Variants in CACNA1B observed in about 807,000 individuals in gnomAD.
CACNA1B encodes the protein calcium voltage-gated channel subunit alpha1 B.
Under a neutral mutation model 247.2 loss-of-function variants are expected in CACNA1B, and 70 were observed. The ratio of observed to expected loss-of-function variants is 0.28; its 90% CI spans 0.23 to 0.35. CACNA1B has a LOEUF of 0.35. Among genes scored for constraint, CACNA1B ranks in the 10% least tolerant of loss-of-function variants. CACNA1B has a pLI of 1.00. For missense variants in CACNA1B, 2,367 were observed against 3,197.4 expected, an observed-to-expected ratio of 0.74 and a Z score of 6.26; for synonymous variants, 1,231 against 1,294.4, an observed-to-expected ratio of 0.95 and a Z score of 1.05.
At chr9:137,904,080 A>T (rs1011637890) in intron 3 of CACNA1B, among the ~76,000 whole-genome samples, 1 of 151,814 alleles carries the variant, frequency 6.6e-6, no homozygotes, top group East Asian at 1.9e-4. Flanking sequence ...CATTGGTTTG[A>T]TCTCATCATC....
intron 12 of CACNA1B, among the ~76,000 whole-genome samples, chr9:137,983,812 G>C (rs1208364390): frequency 6.7e-6 from 1 of 149,434 alleles, no homozygotes; most frequent in South Asian, 2.1e-4. Context: ...CACAGAGGAG[G>C]TATTAGACCA....
intron 20 of CACNA1B, among the ~76,000 whole-genome samples, chr9:138,041,970 C>A (rs1431814043): frequency 1.3e-5 from 2 of 152,060 alleles, no homozygotes; most frequent in African/African-American, 4.8e-5. Context: ...CCATCTTGCC[C>A]AGGATGGTCT....
In CACNA1B at chr9:138,058,441, G is replaced by T; in HGVS notation, c.4309-128G>T. 1.0e-6 allele frequency: 1 copy of T among 968,258 alleles called. No homozygotes were observed. Among genetic ancestry groups the T allele is most frequent in the African/African-American group, 1.6e-5 (1 of 61,118 alleles). The allele number at this position is 968,258 out of a possible 1,614,324, so 60.0% of individuals were successfully genotyped here. The stretch of plus-strand genomic sequence containing the variant: ...TTGAGGCCTGCTTGGAGAAGGTCTG[G>T]GCTGCTTCAATTTGTCTTCTGTTGT... On this transcript the variant is annotated intron_variant, in intron 28 of 46. Coordinates refer to ENST00000371372, the MANE Select transcript of CACNA1B (RefSeq NM_000718.4). This position sits in a 1 kb window ranked among gnomAD's most constrained non-coding sequence, Gnocchi z 4.7.
intron 36 of CACNA1B, among the ~76,000 whole-genome samples, chr9:138,086,469 G>A (rs923701566): frequency 2.6e-5 from 4 of 151,048 alleles, no homozygotes; most frequent in African/African-American, 9.8e-5. Flanking sequence ...AGGTGGTAGT[G>A]TGCTGTGATT....
At position 137,914,798 on chromosome 9, in the gene CACNA1B, A is replaced by G; in HGVS notation, c.767A>G (p.Asn256Ser). The G allele has an allele frequency of 6.2e-7, 1 of 1,613,848 alleles. No individual in the cohort carries two copies. Among genetic ancestry groups the G allele is most frequent in the Non-Finnish European group, 8.5e-7 (1 of 1,179,832 alleles). ...MGKFHKACFP[N>S]STDAEPVGDF... ...AAGTTCCACAAGGCCTGTTTCCCCA[A>G]CAGCACAGGTGAGGCCAGGCAGCAC... is the stretch of plus-strand genomic sequence containing the variant. Residue 256 changes from asparagine to serine, a missense_variant, in exon 5 of 47, where the codon AAC becomes AGC. Transcript: ENST00000371372. This position sits in a 1 kb window ranked among gnomAD's most constrained non-coding sequence, Gnocchi z 4.3.
chr9:138,032,074 T>G (rs1958993950), intron 20 of CACNA1B, among the ~76,000 whole-genome samples: 1 of 152,104 alleles, frequency 6.6e-6, no homozygotes, highest in South Asian at 2.1e-4. Flanking sequence ...ATTTCTCTGG[T>G]TTCCTTTTTC....
At chr9:138,039,219 A>C (rs891271168) in intron 20 of CACNA1B, among the ~76,000 whole-genome samples, 2 of 152,142 alleles carry the variant, frequency 1.3e-5, no homozygotes, top group African/African-American at 4.8e-5. Flanking sequence ...AATAAAAAAA[A>C]AAAGAGAAAA....
chr9:138,107,218 T>TTTTATTTATTTATTTA lies in CACNA1B; in HGVS notation c.5428+1445_5428+1460dup, dbSNP rs56043117. 4.4e-4 allele frequency among the ~76,000 whole-genome samples: 60 copies of TTTTATTTATTTATTTA among 135,788 alleles called. 1 individual carries two copies. The highest frequency in any genetic ancestry group is 1.3e-3 in the Admixed American group (17 of 13,252). 89.1% of individuals were successfully genotyped at this position (135,788 alleles called of 152,430 possible). A position where few individuals can be genotyped will look rare whatever the true frequency, so the allele number is the denominator to read the frequency against. On this transcript the variant is annotated intron_variant, in intron 39 of 46. Coordinates refer to ENST00000371372, the MANE Select transcript of CACNA1B (RefSeq NM_000718.4). ...AGCCGAAACCTTAGAAATCATCTTA[T>TTTTATTTATTTATTTA]TTTATTTATTTATTTATTTATTTAT...
At chr9:138,002,661 C>A (rs1449781668) in intron 15 of CACNA1B, among the ~76,000 whole-genome samples, 1 of 151,464 alleles carries the variant, frequency 6.6e-6, no homozygotes, top group Non-Finnish European at 1.5e-5. Flanking sequence ...GAGCTAGGAT[C>A]GTGCCACTGC....
At chr9:137,897,679 T>G (rs1957187695) in intron 3 of CACNA1B, among the ~76,000 whole-genome samples, 1 of 152,118 alleles carries the variant, frequency 6.6e-6, no homozygotes, top group South Asian at 2.1e-4. Context: ...TTCAATTCCG[T>G]GTATTTTATT....
intron 6 of CACNA1B, among the ~76,000 whole-genome samples, chr9:137,937,721 G>A (rs545335942): frequency 4.6e-5 from 7 of 152,080 alleles, no homozygotes; most frequent in African/African-American, 7.2e-5. Context: ...CAAGGTGGGC[G>A]GATCACCTGA....
chr9:137,916,981 C>A (rs556318577), intron 5 of CACNA1B, among the ~76,000 whole-genome samples: 1 of 152,136 alleles, frequency 6.6e-6, no homozygotes, highest in African/African-American at 2.4e-5. Context: ...AGCCCACCAT[C>A]AAGTGATGGT....
chr9:137,878,989 C>G, intron 1 of CACNA1B, 65 bp from the exon 2 acceptor site: 1 of 1,042,334 alleles, frequency 9.6e-7, no homozygotes. Flanking sequence ...GCACTGGGCT[C>G]TGCTGGCGTC....
In CACNA1B at chr9:137,917,127, G is replaced by C. The variant is rs1957421608; in HGVS notation, c.776-114G>C. The C allele has an allele frequency of 3.5e-6, 3 of 867,964 alleles. No homozygotes were observed. Among genetic ancestry groups the C allele is most frequent in the Non-Finnish European group, 5.3e-6 (3 of 562,640 alleles). The allele number at this position is 867,964 out of a possible 1,614,324, so 53.8% of individuals were successfully genotyped here. ...GGGAAGTTGAGGGAGAGTTTCTGTTGGTGGCTGGTTCCTGCCCACCTGCTG... is the reference window on the plus strand; with the variant it reads ...GGGAAGTTGAGGGAGAGTTTCTGTTCGTGGCTGGTTCCTGCCCACCTGCTG... On this transcript the variant is annotated intron_variant, in intron 5 of 46. Transcript: ENST00000371372. This position sits in a 1 kb window ranked among gnomAD's most constrained non-coding sequence, Gnocchi z 5.5.
At position 138,051,470 on chromosome 9, in the gene CACNA1B, TC is replaced by T; in HGVS notation, c.3711-619del. On this transcript the variant is annotated intron_variant, in intron 24 of 46. Coordinates refer to ENST00000371372, the MANE Select transcript of CACNA1B (RefSeq NM_000718.4). This position sits in a 1 kb window ranked among gnomAD's most constrained non-coding sequence, Gnocchi z 4.3. Reference sequence around the variant, plus strand: ...CTATGGCTCTCCCTCCCTCCCTCCCTCCCTCCTTCCCTCCCTCTCCCCTTGT... The same window carrying T: ...CTATGGCTCTCCCTCCCTCCCTCCCTCCTCCTTCCCTCCCTCTCCCCTTGT... Among the ~76,000 whole-genome samples the T allele has an allele frequency of 1.2e-5, 1 of 83,746 alleles. No individual in the cohort carries two copies. Among genetic ancestry groups the T allele is most frequent in the South Asian group, 4.5e-4 (1 of 2,226 alleles). 54.9% of individuals were successfully genotyped at this position (83,746 alleles called of 152,430 possible).
intron 10 of CACNA1B, among the ~76,000 whole-genome samples, chr9:137,966,773 C>T (rs1004293271): frequency 3.9e-5 from 6 of 152,154 alleles, no homozygotes; most frequent in South Asian, 2.1e-4. Flanking sequence ...CTCCTGACCT[C>T]GTGATCCGCC....
In CACNA1B at chr9:138,058,332, C is replaced by A; in HGVS notation, c.4308+82C>A. 4 of 1,227,338 alleles carry A rather than the reference C, an allele frequency of 3.3e-6. No individual in the cohort carries two copies. Among genetic ancestry groups the A allele is most frequent in the Non-Finnish European group, 4.7e-6 (4 of 842,652 alleles). 76.0% of individuals were successfully genotyped at this position (1,227,338 alleles called of 1,614,324 possible). A position where few individuals can be genotyped will look rare whatever the true frequency, so the allele number is the denominator to read the frequency against. On this transcript the variant is annotated intron_variant, in intron 28 of 46. Coordinates refer to ENST00000371372, the MANE Select transcript of CACNA1B (RefSeq NM_000718.4). The surrounding 1 kb of genome is among the most constrained non-coding windows in gnomAD (Gnocchi z 4.7). ...TTCCCTCCTGCACACAAATCACTCA[C>A]AGCTGGGTCAGCTTTGGCTGCCACC...
At chr9:137,931,025 T>C (rs1280472604) in intron 6 of CACNA1B, among the ~76,000 whole-genome samples, 1 of 152,160 alleles carries the variant, frequency 6.6e-6, no homozygotes, top group Non-Finnish European at 1.5e-5. Context: ...CAATCTCAGC[T>C]CATTGCAGCC....
chr9:138,056,933 G>GTTTTTTTTTTTTTT (rs138277172), intron 26 of CACNA1B, among the ~76,000 whole-genome samples: 3 of 113,496 alleles, frequency 2.6e-5, no homozygotes, highest in Non-Finnish European at 5.1e-5. Flanking sequence ...TTTTATTTGG[G>GTTTTTTTTTTTTTT]TTTTTTTTTT....
Sources: allele counts gnomAD v4.1 joint callset (sites outside exome capture counted in the v4.1 genomes callset), GRCh38; gene constraint gnomAD v4.1.1; non-coding constraint Gnocchi (gnomAD v3.1); transcripts MANE v1.5; gene names NCBI Gene and HGNC (gene_info 2026-07-23, HGNC 2026-07-21).